MDFI: variants seen among roughly 807,000 people sequenced by gnomAD.
MDFI encodes inhibitor of MyoD family a.
A neutral mutation model predicts 22.3 loss-of-function variants in MDFI; 16 were observed. The ratio of observed to expected loss-of-function variants is 0.72; its 90% CI spans 0.49 to 1.09. The LOEUF (loss-of-function observed/expected upper bound fraction) is 1.09, where lower values mean the gene tolerates loss of function less well. Ranked by LOEUF, MDFI falls within the 50% of genes least tolerant of loss-of-function variation. The pLI is 0.00. For synonymous variants in MDFI, 145 were observed against 142.7 expected (o/e 1.02, Z -0.12); for missense variants, 314 against 326.1 (o/e 0.96, Z 0.29).
chr6:41,645,609 A>G (rs1244787526), intron 2 of MDFI, among the ~76,000 whole-genome samples: 1 of 151,538 alleles, frequency 6.6e-6, no homozygotes, highest in East Asian at 1.9e-4. Flanking sequence ...CTTTCTCTCC[A>G]TTACTGACTT....
At position 41,646,252 on chromosome 6, in the gene MDFI, G is replaced by C. The variant is rs774714232; in HGVS notation, c.203G>C (p.Gly68Ala). 1 of 1,574,682 alleles carries C rather than the reference G, an allele frequency of 6.4e-7. No homozygotes were observed. Among genetic ancestry groups the C allele is most frequent in the Non-Finnish European group, 8.6e-7 (1 of 1,161,744 alleles). Residue 68 changes from glycine (G) to alanine (A), a missense_variant, in exon 3 of 5, where the codon GGC becomes GCC. Coordinates refer to ENST00000230321, the MANE Select transcript of MDFI (RefSeq NM_005586.4). ...CCCATGCCCCAAGGCAATGGCCCTG[G>C]CATCCCCCAGGGCCTGGACAGCACT... Reference protein sequence around the residue: ...ATPMPQGNGPGIPQGLDSTDL... With the variant: ...ATPMPQGNGPAIPQGLDSTDL...
intron 2 of MDFI, chr6:41,640,059 T>C: frequency 1.8e-6 from 1 of 569,712 alleles, no homozygotes; most frequent in South Asian, 7.7e-5. Context: ...AATTGCCTGC[T>C]GTCTCTGTGG....
At chr6:41,650,068 T>C (rs1561834271) in intron 4 of MDFI, 1 of 525,336 alleles carries the variant, frequency 1.9e-6, no homozygotes, top group Non-Finnish European at 3.3e-6. Flanking sequence ...GTACACCCGT[T>C]GGGTAAAGGT....
In MDFI at chr6:41,653,824, G is replaced by A. The variant is rs553035154; in HGVS notation, c.*249G>A. The A allele has an allele frequency of 5.3e-5, 27 of 504,982 alleles. 1 individual carries two copies. The South Asian group carries it at 5.6e-4, about 10-fold the overall frequency. 31.3% of individuals were successfully genotyped at this position (504,982 alleles called of 1,614,324 possible). A position where few individuals can be genotyped will look rare whatever the true frequency, so the allele number is the denominator to read the frequency against. On this transcript the variant is annotated 3_prime_UTR_variant, in exon 5 of 5. Coordinates refer to ENST00000230321, the MANE Select transcript of MDFI (RefSeq NM_005586.4). The surrounding 1 kb of genome is among the most constrained non-coding windows in gnomAD (Gnocchi z 4.2). ...CCTGAACTCTTTACTGGGTTACCAG[G>A]TTCATACATTGCTGAGGACCTGACA...
At chr6:41,644,318 C>A (rs1253990855) in intron 2 of MDFI, among the ~76,000 whole-genome samples, 2 of 152,222 alleles carry the variant, frequency 1.3e-5, no homozygotes, top group African/African-American at 4.8e-5. Context: ...GGGTTCCCAG[C>A]ACATAACTCT....
Position 41,654,151 on chromosome 6 carries a change from G to T in MDFI, c.*576G>T. On this transcript the variant is annotated 3_prime_UTR_variant, in exon 5 of 5. Transcript: ENST00000230321. ...AGAGCCTGGGGTGGGGCGGGAGGGG[G>T]AACAGTATGGAAAAGACTGGAAGGG... 1 of 166,066 alleles carries T rather than the reference G, an allele frequency of 6.0e-6. No individual in the cohort carries two copies. The highest frequency in any genetic ancestry group is 1.3e-5 in the Non-Finnish European group (1 of 74,502). 10.3% of individuals were successfully genotyped at this position (166,066 alleles called of 1,614,324 possible).
chr6:41,648,707 C>G (rs1555156), intron 3 of MDFI, among the ~76,000 whole-genome samples: 6,808 of 152,214 alleles, frequency 0.045, 236 homozygotes, highest in East Asian at 0.19. Flanking sequence ...TCTCAGTGAC[C>G]CCTCTTCAGT....
Position 41,642,336 on chromosome 6 carries a change from C to T in MDFI, c.76+3511C>T, listed in dbSNP as rs577863450. 4.6e-5 allele frequency among the ~76,000 whole-genome samples: 7 copies of T among 152,328 alleles called. No homozygotes were observed. The East Asian group carries it at 1.2e-3, about 25-fold the overall frequency. On this transcript the variant is annotated intron_variant, in intron 2 of 4. Transcript: ENST00000230321. Reference sequence around the variant, plus strand: ...CATCCACACGGGGGGCCTCCTTCACCTTTGCTGGCCACCCCCTTGCCTCCT... The same window carrying T: ...CATCCACACGGGGGGCCTCCTTCACTTTTGCTGGCCACCCCCTTGCCTCCT...
rs75599693 is a variant in MDFI at position 41,654,073 on chromosome 6, G to A, written c.*498G>A. ...CAGCCCTCTCCAGTCTCCTTTCCTA[G>A]GCTTTTTTGGGGGCCTAACCCACGC... On this transcript the variant is annotated 3_prime_UTR_variant, in exon 5 of 5. Coordinates refer to ENST00000230321, the MANE Select transcript of MDFI (RefSeq NM_005586.4). The A allele has an allele frequency of 6.9e-3, 1,323 of 190,646 alleles. 24 individuals carry two copies. Among genetic ancestry groups the A allele is most frequent in the East Asian group, 0.064 (516 of 8,120 alleles). The allele number at this position is 190,646 out of a possible 1,614,324, so 11.8% of individuals were successfully genotyped here. A position where few individuals can be genotyped will look rare whatever the true frequency, so the allele number is the denominator to read the frequency against.
Position 41,653,497 on chromosome 6 carries a change from C to G in MDFI, c.663C>G (p.Gly221=). 3 of 1,602,950 alleles carry G rather than the reference C, an allele frequency of 1.9e-6. No homozygotes were observed. In the South Asian group the frequency reaches 3.3e-5, roughly 18 times the overall value. ...ACCTGCCCTGCGACCTGGACTGCGG[C>G]ATCCTGGATGCCTGCTGCGAGTCCG... ...DCDLPCDLDC[G]ILDACCESAD... Residue 221 remains glycine (G), a synonymous_variant, in exon 5 of 5, where the codon GGC becomes GGG. Transcript: ENST00000230321. This position sits in a 1 kb window ranked among gnomAD's most constrained non-coding sequence, Gnocchi z 4.2.
At chr6:41,644,363 C>T (rs1043852688) in intron 2 of MDFI, among the ~76,000 whole-genome samples, 3 of 152,190 alleles carry the variant, frequency 2.0e-5, no homozygotes, top group African/African-American at 4.8e-5. Context: ...CGCCAGCCCT[C>T]CCTCCCCATT....
At chr6:41,648,186 C>T (rs1314742715) in intron 3 of MDFI, among the ~76,000 whole-genome samples, 1 of 152,144 alleles carries the variant, frequency 6.6e-6, no homozygotes, top group African/African-American at 2.4e-5. Flanking sequence ...CAGCCTCTGC[C>T]CCCATGCTGG....
In MDFI at chr6:41,638,857, A is replaced by G. The variant is rs1029635839; in HGVS notation, c.76+32A>G. The G allele has an allele frequency of 8.5e-6, 13 of 1,527,990 alleles. No individual in the cohort carries two copies. The Middle Eastern group carries it at 5.8e-4, about 68-fold the overall frequency. 94.7% of individuals were successfully genotyped at this position (1,527,990 alleles called of 1,614,324 possible). ...CCGGGAGTGGCGAGCGAAGCTGGAC[A>G]GGGGCGGGTGGGCGGCTGAAGGGGC... On this transcript the variant is annotated intron_variant, in intron 2 of 4. Coordinates refer to ENST00000230321, the MANE Select transcript of MDFI (RefSeq NM_005586.4). The surrounding 1 kb of genome is among the most constrained non-coding windows in gnomAD (Gnocchi z 7.6).
Position 41,646,324 on chromosome 6 carries a change from C to T in MDFI, c.259+16C>T. 1 of 1,400,480 alleles carries T rather than the reference C, an allele frequency of 7.1e-7. No homozygotes were observed. The highest frequency in any genetic ancestry group is 9.3e-7 in the Non-Finnish European group (1 of 1,071,194). The allele number at this position is 1,400,480 out of a possible 1,614,324, so 86.8% of individuals were successfully genotyped here. A position where few individuals can be genotyped will look rare whatever the true frequency, so the allele number is the denominator to read the frequency against. On this transcript the variant is annotated intron_variant, in intron 3 of 4. Coordinates refer to ENST00000230321, the MANE Select transcript of MDFI (RefSeq NM_005586.4). ...GCTGTGACATGTGAGTCCTAGGGGG[C>T]CAGGAGGTTGGATGGCAACATGTAG...
intron 3 of MDFI, among the ~76,000 whole-genome samples, chr6:41,648,138 C>T (rs1768127268): frequency 2.0e-5 from 3 of 151,400 alleles, no homozygotes; most frequent in Non-Finnish European, 2.9e-5. Flanking sequence ...TAGTGATTGT[C>T]GTGGTAGTAG....
chr6:41,638,695 C>A lies in MDFI; in HGVS notation c.-12+43C>A. The stretch of plus-strand genomic sequence containing the variant: ...GCGCGCATCTGCGGGGGAATCGCCC[C>A]TTGCCCGCCTCCGGCGCCGCCCGCT... On this transcript the variant is annotated intron_variant, in intron 1 of 4. Transcript: ENST00000230321. This position sits in a 1 kb window ranked among gnomAD's most constrained non-coding sequence, Gnocchi z 7.6. 6.5e-7 allele frequency: 1 copy of A among 1,529,404 alleles called. No individual in the cohort carries two copies. The highest frequency in any genetic ancestry group is 1.2e-5 in the South Asian group (1 of 83,682). 94.7% of individuals were successfully genotyped at this position (1,529,404 alleles called of 1,614,324 possible). A position where few individuals can be genotyped will look rare whatever the true frequency, so the allele number is the denominator to read the frequency against.
intron 2 of MDFI, among the ~76,000 whole-genome samples, chr6:41,640,244 C>CCATCCTCTTACTCTCT (rs1767801886): frequency 6.6e-6 from 1 of 152,172 alleles, no homozygotes; most frequent in South Asian, 2.1e-4. Flanking sequence ...TCCTGCTCTC[C>CCATCCTCTTACTCTCT]CATCCTCTTA....
chr6:41,639,114 A>G (rs1767750999), intron 2 of MDFI: 1 of 551,406 alleles, frequency 1.8e-6, no homozygotes, highest in African/African-American at 2.2e-5. Flanking sequence ...ACACACATAC[A>G]CTCCGCGGTG....
intron 2 of MDFI, among the ~76,000 whole-genome samples, chr6:41,641,731 T>C (rs1767859333): frequency 6.6e-6 from 1 of 152,188 alleles, no homozygotes; most frequent in South Asian, 2.1e-4. Flanking sequence ...CTTAAGGCAG[T>C]AGGCCGTGGA....
Sources: gnomAD v4.1 joint callset for allele counts (sites outside exome capture counted in the v4.1 genomes callset) on GRCh38, gnomAD v4.1.1 for gene constraint, Gnocchi (gnomAD v3.1) non-coding constraint, MANE v1.5 for transcripts, NCBI Gene and HGNC (gene_info 2026-07-23, HGNC 2026-07-21) for gene names.